IL2RA: variants seen among roughly 807,000 people sequenced by gnomAD.
IL2RA encodes interleukin 2 receptor subunit alpha, also known as interleukin-2 receptor subunit alpha.
In IL2RA, 24 loss-of-function variants were observed where a neutral mutation model predicts 37.8. The observed-to-expected ratio is 0.63, with a 90% CI of 0.46 to 0.89. The LOEUF is 0.89. IL2RA is among the 40% of genes least tolerant of loss of function. The probability of loss-of-function intolerance (pLI) is 0.00; values close to 1 mark genes in which losing one functional copy is unlikely to be tolerated. For synonymous variants in IL2RA, 125 were observed against 114.6 expected (o/e 1.09, Z -0.58); for missense variants, 319 against 348.6 (o/e 0.92, Z 0.68).
At chr10:6,023,736 A>G (rs1839428825) in intron 3 of IL2RA, among the ~76,000 whole-genome samples, 1 of 152,270 alleles carries the variant, frequency 6.6e-6, no homozygotes, top group African/African-American at 2.4e-5. Flanking sequence ...ACTGCTGGCC[A>G]GGACACACGC....
intron 1 of IL2RA, among the ~76,000 whole-genome samples, chr10:6,059,888 T>C (rs1462510793): frequency 6.6e-6 from 1 of 152,186 alleles, no homozygotes; most frequent in Non-Finnish European, 1.5e-5. Context: ...TTTCTCCTCC[T>C]CACCAGGTTA....
In IL2RA at chr10:6,014,617, T is replaced by C. The variant is rs1045879247; in HGVS notation, c.795-1721A>G. Among the ~76,000 whole-genome samples, 44 of 152,340 alleles carry C rather than the reference T, an allele frequency of 2.9e-4. No homozygotes were observed. Among genetic ancestry groups the C allele is most frequent in the Admixed American group, 2.4e-3 (37 of 15,294 alleles). On this transcript the variant is annotated intron_variant, in intron 7 of 7. Transcript: ENST00000379959. This position sits in a 1 kb window ranked among gnomAD's most constrained non-coding sequence, Gnocchi z 4.4. ...CAAGGTGTTAAGGCTTGTCAGGTGT[T>C]CAGCCTGAGGAAGGAGAGGATGCAA...
rs557091419 is a variant in IL2RA at position 6,015,888 on chromosome 10, T to C, written c.794+2165A>G. On this transcript the variant is annotated intron_variant, in intron 7 of 7. Transcript: ENST00000379959. This position sits in a 1 kb window ranked among gnomAD's most constrained non-coding sequence, Gnocchi z 4.9. ...TTCCATTTACACGAAATGTCCAGAATAGGCAAATCCATAGAGACGGAACAT... is the reference window on the plus strand; with the variant it reads ...TTCCATTTACACGAAATGTCCAGAACAGGCAAATCCATAGAGACGGAACAT... 3.9e-5 allele frequency among the ~76,000 whole-genome samples: 6 copies of C among 152,164 alleles called. No individual in the cohort carries two copies. The South Asian group carries it at 1.0e-3, about 26-fold the overall frequency.
At position 6,057,196 on chromosome 10, in the gene IL2RA, G is replaced by T. The variant is rs755056178; in HGVS notation, c.64+4892C>A. On this transcript the variant is annotated intron_variant, in intron 1 of 7. Transcript: ENST00000379959. The surrounding 1 kb of genome is among the most constrained non-coding windows in gnomAD (Gnocchi z 4.8). ...TACATTTCCTATAGTATTGAAAAGG[G>T]GCATGAGAGATATTGGATAGATTTT... Among the ~76,000 whole-genome samples, 7 of 152,158 alleles carry T rather than the reference G, an allele frequency of 4.6e-5. No homozygotes were observed. Among genetic ancestry groups the T allele is most frequent in the African/African-American group, 1.7e-4 (7 of 41,422 alleles).
Position 6,012,440 on chromosome 10 carries a change from T to C in IL2RA, c.*432A>G, listed in dbSNP as rs1839205107. The C allele has an allele frequency of 4.0e-6, 1 of 250,028 alleles. No individual in the cohort carries two copies. The highest frequency in any genetic ancestry group is 9.1e-5 in the East Asian group (1 of 10,972). 15.5% of individuals were successfully genotyped at this position (250,028 alleles called of 1,614,324 possible). A position where few individuals can be genotyped will look rare whatever the true frequency, so the allele number is the denominator to read the frequency against. ...AGTTGTATAGGGTAGAGTGTGTGTG[T>C]TGTGTATTTACGTTAGTGCTGGGGC... On this transcript the variant is annotated 3_prime_UTR_variant, in exon 8 of 8. Coordinates refer to ENST00000379959, the MANE Select transcript of IL2RA (RefSeq NM_000417.3). The surrounding 1 kb of genome is among the most constrained non-coding windows in gnomAD (Gnocchi z 4.8).
chr10:6,012,534 A>C lies in IL2RA; in HGVS notation c.*338T>G. On this transcript the variant is annotated 3_prime_UTR_variant, in exon 8 of 8. Coordinates refer to ENST00000379959, the MANE Select transcript of IL2RA (RefSeq NM_000417.3). This position sits in a 1 kb window ranked among gnomAD's most constrained non-coding sequence, Gnocchi z 4.8. The stretch of plus-strand genomic sequence containing the variant: ...GTAAACCTACTTTTCTTTATACTAC[A>C]TATAGGGTGGAGAGAGTTCCATACC... The C allele has an allele frequency of 2.3e-6, 1 of 426,334 alleles. No individual in the cohort carries two copies. The allele number at this position is 426,334 out of a possible 1,614,324, so 26.4% of individuals were successfully genotyped here.
intron 5 of IL2RA, 38 bp from the exon 6 acceptor site, chr10:6,019,537 G>A (rs769678638): frequency 1.4e-5 from 20 of 1,464,792 alleles, no homozygotes; most frequent in East Asian, 4.5e-5. Flanking sequence ...TCCTGCTACC[G>A]TGACTTTAGG....
chr10:6,017,451 T>A (rs1489505430), intron 7 of IL2RA, among the ~76,000 whole-genome samples: 1 of 152,178 alleles, frequency 6.6e-6, no homozygotes, highest in African/African-American at 2.4e-5. Flanking sequence ...CCACAGCTAT[T>A]CCAAAGGTTT....
In IL2RA at chr10:6,047,072, T is replaced by C. The variant is rs573108644; in HGVS notation, c.64+15016A>G. Among the ~76,000 whole-genome samples, 27 of 152,354 alleles carry C rather than the reference T, an allele frequency of 1.8e-4. No individual in the cohort carries two copies. Among genetic ancestry groups the C allele is most frequent in the African/African-American group, 5.8e-4 (24 of 41,574 alleles). On this transcript the variant is annotated intron_variant, in intron 1 of 7. Transcript: ENST00000379959. This position sits in a 1 kb window ranked among gnomAD's most constrained non-coding sequence, Gnocchi z 5.0. ...CTGAAAGGGACAAAGACCCTCTCCA[T>C]GTCTCTGCATGCTTGCATGGAGAAC...
Position 6,019,516 on chromosome 10 carries a change from AAG to A in IL2RA, c.656-19_656-18del. On this transcript the variant is annotated intron_variant, in intron 5 of 7. Coordinates refer to ENST00000379959, the MANE Select transcript of IL2RA (RefSeq NM_000417.3). ...TTTGAAAATCTGTGAAAAAGAGATA[AAG>A]AGAGACACTCCTGCTACCGTGACTT... 6.3e-7 allele frequency: 1 copy of A among 1,587,862 alleles called. No individual in the cohort carries two copies. Among genetic ancestry groups the A allele is most frequent in the African/African-American group, 1.3e-5 (1 of 74,450 alleles).
At chr10:6,024,948 C>T (rs1185967526) in intron 2 of IL2RA, among the ~76,000 whole-genome samples, 1 of 152,178 alleles carries the variant, frequency 6.6e-6, no homozygotes, top group Non-Finnish European at 1.5e-5. Flanking sequence ...AAGAGGGTGT[C>T]TAGGTCAGGT....
chr10:6,025,002 G>C lies in IL2RA; in HGVS notation c.257-648C>G, dbSNP rs1331194023. ...AATTCCAGCACATTGGGAGGCTGAG[G>C]CAGGAGGACTGCTTGAGCCCAGGAG... On this transcript the variant is annotated intron_variant, in intron 2 of 7. Coordinates refer to ENST00000379959, the MANE Select transcript of IL2RA (RefSeq NM_000417.3). This position sits in a 1 kb window ranked among gnomAD's most constrained non-coding sequence, Gnocchi z 4.4. Among the ~76,000 whole-genome samples the C allele has an allele frequency of 6.6e-6, 1 of 152,334 alleles. No homozygotes were observed. The highest frequency in any genetic ancestry group is 2.4e-5 in the African/African-American group (1 of 41,584).
rs912689861 is a variant in IL2RA, at chr10:6,048,071, C to T, written c.64+14017G>A. On this transcript the variant is annotated intron_variant, in intron 1 of 7. Coordinates refer to ENST00000379959, the MANE Select transcript of IL2RA (RefSeq NM_000417.3). This position sits in a 1 kb window ranked among gnomAD's most constrained non-coding sequence, Gnocchi z 5.3. ...ACGCACAAGTGTCTGCCTGTCCTCC[C>T]GCCTATCCTCCCTCATGTGCTGGCT... Among the ~76,000 whole-genome samples, 1 of 152,192 alleles carries T rather than the reference C, an allele frequency of 6.6e-6. No homozygotes were observed. The highest frequency in any genetic ancestry group is 2.4e-5 in the African/African-American group (1 of 41,446).
chr10:6,049,105 T>C (rs1174234878), intron 1 of IL2RA, among the ~76,000 whole-genome samples: 2 of 152,210 alleles, frequency 1.3e-5, no homozygotes, highest in African/African-American at 4.8e-5. Context: ...AGTCCCACAA[T>C]ATGCCAGCTG....
Position 6,044,377 on chromosome 10 carries a change from G to A in IL2RA, c.64+17711C>T, listed in dbSNP as rs1839818490. On this transcript the variant is annotated intron_variant, in intron 1 of 7. Transcript: ENST00000379959. The surrounding 1 kb of genome is among the most constrained non-coding windows in gnomAD (Gnocchi z 4.5). ...CGACCACATAGGCAGAGAGTAGTAG[G>A]TCAGGGCAGTTTTGCATTCATATTT... Among the ~76,000 whole-genome samples the A allele has an allele frequency of 6.6e-6, 1 of 152,250 alleles. No homozygotes were observed.
chr10:6,037,355 G>A (rs1839704439), intron 1 of IL2RA, among the ~76,000 whole-genome samples: 1 of 152,198 alleles, frequency 6.6e-6, no homozygotes, highest in African/African-American at 2.4e-5. Flanking sequence ...TGATAAAGAT[G>A]TGGACCGAGT....
rs1378161122 is a variant in IL2RA, at chr10:6,018,025, A to T, written c.794+28T>A. The T allele has an allele frequency of 6.2e-7, 1 of 1,604,664 alleles. No homozygotes were observed. Among genetic ancestry groups the T allele is most frequent in the Non-Finnish European group, 8.5e-7 (1 of 1,172,444 alleles). On this transcript the variant is annotated intron_variant, in intron 7 of 7. Transcript: ENST00000379959. The surrounding 1 kb of genome is among the most constrained non-coding windows in gnomAD (Gnocchi z 5.1). ...TGGGTACAGGACTTTGATCTGACCAAGGGCTGCCTTGGTGATGCCACACTT... is the reference window on the plus strand; with the variant it reads ...TGGGTACAGGACTTTGATCTGACCATGGGCTGCCTTGGTGATGCCACACTT...
In IL2RA at chr10:6,021,800, G is replaced by T. The variant is rs12722695; in HGVS notation, c.368-107C>A. The T allele has an allele frequency of 3.5e-6, 3 of 845,294 alleles. No homozygotes were observed. The East Asian group carries it at 7.5e-5, about 21-fold the overall frequency. 52.4% of individuals were successfully genotyped at this position (845,294 alleles called of 1,614,324 possible). A position where few individuals can be genotyped will look rare whatever the true frequency, so the allele number is the denominator to read the frequency against. On this transcript the variant is annotated intron_variant, in intron 3 of 7. Transcript: ENST00000379959. This position sits in a 1 kb window ranked among gnomAD's most constrained non-coding sequence, Gnocchi z 4.9. ...GACCTTGGTTCTTACTCTCTTGACT[G>T]CTTGCTCATCCTTTCATTCAACCAA... is the stretch of plus-strand genomic sequence containing the variant.
intron 1 of IL2RA, among the ~76,000 whole-genome samples, chr10:6,055,192 G>A (rs954036360): frequency 1.3e-5 from 2 of 152,138 alleles, no homozygotes; most frequent in African/African-American, 4.8e-5. Context: ...CAAGATCCCT[G>A]GATGATTTCT....
Sources: gnomAD v4.1 joint callset for allele counts (sites outside exome capture counted in the v4.1 genomes callset) on GRCh38, gnomAD v4.1.1 for gene constraint, Gnocchi (gnomAD v3.1) non-coding constraint, MANE v1.5 for transcripts, NCBI Gene and HGNC (gene_info 2026-07-23, HGNC 2026-07-21) for gene names.